HORMAD2: variants seen among roughly 807,000 people sequenced by gnomAD.
HORMAD2 encodes HORMA domain-containing protein 2.
HORMAD2 carries 45 observed loss-of-function variants against 38.8 expected under a neutral mutation model. The ratio of observed to expected loss-of-function variants is 1.16; its 90% CI spans 0.91 to 1.49. HORMAD2 has a LOEUF of 1.49. Ranked by LOEUF, HORMAD2 falls within the 40% of genes most tolerant of loss-of-function variation. The pLI, the probability that HORMAD2 is intolerant of heterozygous loss-of-function variation, is 0.00. For missense variants in HORMAD2, 338 were observed against 367.0 expected (o/e 0.92, Z 0.65); for synonymous variants, 126 against 122.8 (o/e 1.03, Z -0.17).
At chr22:30,171,514 C>T (rs1300725563) in intron 10 of HORMAD2, among the ~76,000 whole-genome samples, 1 of 152,154 alleles carries the variant, frequency 6.6e-6, no homozygotes, top group Non-Finnish European at 1.5e-5. Context: ...TTTAACTTCT[C>T]TCCATCTCCA....
chr22:30,159,517 G>T (rs1165511106), intron 10 of HORMAD2, among the ~76,000 whole-genome samples: 1 of 152,144 alleles, frequency 6.6e-6, no homozygotes, highest in Admixed American at 6.5e-5. Flanking sequence ...TTAGCCAAAA[G>T]GGATACCCTG....
At chr22:30,174,570 A>T (rs1486657005) in intron 10 of HORMAD2, among the ~76,000 whole-genome samples, 1 of 152,184 alleles carries the variant, frequency 6.6e-6, no homozygotes, top group Non-Finnish European at 1.5e-5. Flanking sequence ...TTGTAATTAA[A>T]CTTTGGATTT....
chr22:30,200,942 G>C, the HORMAD2 span, among the ~76,000 whole-genome samples: 2 of 151,980 alleles, frequency 1.3e-5, no homozygotes. Flanking sequence ...TAGAGACAAG[G>C]TTTCACCACG....
chr22:30,181,052 C>T (rs1178514630), downstream of HORMAD2, among the ~76,000 whole-genome samples: 1 of 142,934 alleles, frequency 7.0e-6, no homozygotes. Context: ...CTCTTTTTGA[C>T]AAGGTTTCAT....
intron 10 of HORMAD2, among the ~76,000 whole-genome samples, chr22:30,152,064 C>T (rs1924785668): frequency 6.6e-6 from 1 of 151,928 alleles, no homozygotes; most frequent in African/African-American, 2.4e-5. Flanking sequence ...CCCCCCTTAC[C>T]AGTTTTTCCA....
At chr22:30,159,609 T>G (rs1351256191) in intron 10 of HORMAD2, among the ~76,000 whole-genome samples, 3 of 152,234 alleles carry the variant, frequency 2.0e-5, no homozygotes, top group Non-Finnish European at 4.4e-5. Context: ...AGGGTTGCCA[T>G]GCATGACTGT....
In HORMAD2 at chr22:30,093,947, C is replaced by G; in HGVS notation, c.-6C>G. 1 of 1,595,264 alleles carries G rather than the reference C, an allele frequency of 6.3e-7. No homozygotes were observed. Among genetic ancestry groups the G allele is most frequent in the Non-Finnish European group, 8.6e-7 (1 of 1,166,674 alleles). ...CTTGTTGAAATAATCCTGATACATT[C>G]CTACAATGGCCACTGCTCAGCTTTC... On this transcript the variant is annotated 5_prime_UTR_variant, in exon 2 of 11. Coordinates refer to ENST00000336726, the MANE Select transcript of HORMAD2 (RefSeq NM_152510.4).
intron 10 of HORMAD2, among the ~76,000 whole-genome samples, chr22:30,165,285 C>T (rs1336784053): frequency 6.6e-6 from 1 of 152,178 alleles, no homozygotes; most frequent in Non-Finnish European, 1.5e-5. Context: ...TATGCCAGTA[C>T]CACACTGTTT....
chr22:30,188,239 C>CT, the HORMAD2 span, among the ~76,000 whole-genome samples: 1 of 152,266 alleles, frequency 6.6e-6, no homozygotes, highest in African/African-American at 2.4e-5. Context: ...TAGATATGTG[C>CT]TGACCTAACC....
intron 10 of HORMAD2, among the ~76,000 whole-genome samples, chr22:30,130,368 T>G (rs1231535300): frequency 1.3e-5 from 2 of 152,110 alleles, no homozygotes; most frequent in Non-Finnish European, 2.9e-5. Flanking sequence ...GGATTCAGAA[T>G]TGTAAAAGCA....
At chr22:30,204,465 C>A in the HORMAD2 span, among the ~76,000 whole-genome samples, 1 of 152,222 alleles carries the variant, frequency 6.6e-6, no homozygotes, top group Admixed American at 6.5e-5. Flanking sequence ...AGAGCTCTTT[C>A]AGGCGGCTGC....
chr22:30,173,125 G>T (rs1408744361), intron 10 of HORMAD2, among the ~76,000 whole-genome samples: 1 of 152,220 alleles, frequency 6.6e-6, no homozygotes, highest in African/African-American at 2.4e-5. Flanking sequence ...CCAGAGTAGG[G>T]CAAGCAGGGC....
intron 7 of HORMAD2, among the ~76,000 whole-genome samples, chr22:30,118,564 T>C (rs73400695): frequency 0.017 from 2,514 of 152,342 alleles, 68 homozygotes; most frequent in African/African-American, 0.058. Context: ...CTGGATTGTA[T>C]GTATATTCCA....
chr22:30,184,337 C>G, the HORMAD2 span, among the ~76,000 whole-genome samples: 1 of 152,090 alleles, frequency 6.6e-6, no homozygotes, highest in African/African-American at 2.4e-5. Flanking sequence ...AGACAAGTTT[C>G]CATAAAGTGA....
intron 3 of HORMAD2, among the ~76,000 whole-genome samples, chr22:30,102,988 C>T (rs566450970): frequency 2.0e-5 from 3 of 152,028 alleles, no homozygotes; most frequent in East Asian, 1.9e-4. Flanking sequence ...AGGTAGATTT[C>T]GGATAAAATA....
At chr22:30,144,783 T>C (rs1156910993) in intron 10 of HORMAD2, among the ~76,000 whole-genome samples, 1 of 151,950 alleles carries the variant, frequency 6.6e-6, no homozygotes, top group Admixed American at 6.6e-5. Context: ...GCTGGAAGTA[T>C]AGTGGTACTG....
chr22:30,113,147 T>C (rs1921786821), intron 7 of HORMAD2, among the ~76,000 whole-genome samples: 1 of 152,144 alleles, frequency 6.6e-6, no homozygotes, highest in South Asian at 2.1e-4. Flanking sequence ...AACTTCTTTC[T>C]TTAAATTCTT....
the HORMAD2 span, among the ~76,000 whole-genome samples, chr22:30,189,239 TG>T: frequency 2.0e-5 from 3 of 152,144 alleles, no homozygotes; most frequent in Admixed American, 2.0e-4. Context: ...GACAAGGCAT[TG>T]GGACAGGAAA....
chr22:30,104,446 G>A lies in HORMAD2; in HGVS notation c.294+9G>A, dbSNP rs80244352. The A allele has an allele frequency of 2.3e-3, 3,692 of 1,594,806 alleles. 84 individuals are homozygous for A. The African/African-American group carries it at 0.045, about 19-fold the overall frequency. ...CTTTGGAAAAGAGATACGTAAGAATGTTTTTACACTTACACTGGAATCAAA... is the reference window on the plus strand; with the variant it reads ...CTTTGGAAAAGAGATACGTAAGAATATTTTTACACTTACACTGGAATCAAA... On this transcript the variant is annotated intron_variant, in intron 5 of 10. Coordinates refer to ENST00000336726, the MANE Select transcript of HORMAD2 (RefSeq NM_152510.4).
Sources: allele counts gnomAD v4.1 joint callset (sites outside exome capture counted in the v4.1 genomes callset), GRCh38; gene constraint gnomAD v4.1.1; transcripts MANE v1.5; gene names NCBI Gene and HGNC (gene_info 2026-07-23, HGNC 2026-07-21).